WWC2: variants seen among roughly 807,000 people sequenced by gnomAD.
WWC2 encodes the protein WW and C2 domain containing 2.
Under a neutral mutation model 138.5 loss-of-function variants are expected in WWC2, and 101 were observed. The observed-to-expected ratio is 0.73, with a 90% confidence interval of 0.62 to 0.86. The LOEUF is 0.86. Ranked by LOEUF, WWC2 falls within the 40% of genes least tolerant of loss-of-function variation. The pLI is 0.00. For synonymous variants in WWC2, 558 were observed against 538.4 expected, an observed-to-expected ratio of 1.04 and a Z score of -0.50; for missense variants, 1,420 against 1,419.4, an observed-to-expected ratio of 1.00 and a Z score of -0.01.
rs61543148 is a variant in WWC2 at position 183,155,221 on chromosome 4, A to AGAGAGAGAGAGT, written c.132-38375_132-38374insAGAGAGAGTGAG. Reference sequence around the variant, plus strand: ...GAGAGAGAGAGAGAGAGAGAGAGAGAGAGTTAGTTGACGTGGTGAGGACAG... The same window carrying AGAGAGAGAGAGT: ...GAGAGAGAGAGAGAGAGAGAGAGAGAGAGAGAGAGAGTGAGTTAGTTGACGTGGTGAGGACAG... On this transcript the variant is annotated intron_variant, in intron 1 of 22. Coordinates refer to ENST00000403733, the MANE Select transcript of WWC2 (RefSeq NM_024949.6). Among the ~76,000 whole-genome samples the AGAGAGAGAGAGT allele has an allele frequency of 3.9e-3, 523 of 135,236 alleles. 5 individuals carry two copies. Among genetic ancestry groups the AGAGAGAGAGAGT allele is most frequent in the African/African-American group, 0.012 (428 of 36,220 alleles). 88.7% of individuals were successfully genotyped at this position (135,236 alleles called of 152,430 possible). A position where few individuals can be genotyped will look rare whatever the true frequency, so the allele number is the denominator to read the frequency against.
intron 1 of WWC2, among the ~76,000 whole-genome samples, chr4:183,186,412 G>A (rs1199877629): frequency 2.0e-5 from 3 of 152,142 alleles, no homozygotes; most frequent in African/African-American, 7.2e-5. Context: ...TGGCAGAAGG[G>A]AAATTCTATG....
At chr4:183,222,489 G>A (rs1483298247) in intron 4 of WWC2, among the ~76,000 whole-genome samples, 1 of 151,724 alleles carries the variant, frequency 6.6e-6, no homozygotes, top group Non-Finnish European at 1.5e-5. Flanking sequence ...CCTATCTAGA[G>A]AAAATTATAA....
chr4:183,101,136 G>T (rs1743167832), intron 1 of WWC2, among the ~76,000 whole-genome samples: 3 of 152,146 alleles, frequency 2.0e-5, no homozygotes, highest in Non-Finnish European at 4.4e-5. Flanking sequence ...TCTGATACTT[G>T]GAGTTTCAGG....
chr4:183,175,676 G>A (rs117159373), intron 1 of WWC2, among the ~76,000 whole-genome samples: 23 of 152,072 alleles, frequency 1.5e-4, no homozygotes, highest in African/African-American at 4.8e-4. Flanking sequence ...TCAAAGCATC[G>A]TTTTTTGTAC....
chr4:183,310,889 G>A (rs1021797386), intron 21 of WWC2, among the ~76,000 whole-genome samples: 5 of 148,858 alleles, frequency 3.4e-5, no homozygotes, highest in South Asian at 2.1e-4. Flanking sequence ...AGTATATTCA[G>A]TGATGTGTTG....
chr4:183,135,459 A>G (rs1733080110), intron 1 of WWC2, among the ~76,000 whole-genome samples: 1 of 151,616 alleles, frequency 6.6e-6, no homozygotes, highest in Non-Finnish European at 1.5e-5. Flanking sequence ...TAGTATCTTT[A>G]TCTTCTTTTA....
chr4:183,218,764 TA>T (rs1299048227), intron 4 of WWC2, among the ~76,000 whole-genome samples: 105 of 152,354 alleles, frequency 6.9e-4, no homozygotes, highest in African/African-American at 2.3e-3. Context: ...GTTGAATTCC[TA>T]CTAGGTTAGA....
At chr4:183,297,374 T>C (rs1391329674) in intron 21 of WWC2, among the ~76,000 whole-genome samples, 1 of 152,150 alleles carries the variant, frequency 6.6e-6, no homozygotes, top group African/African-American at 2.4e-5. Flanking sequence ...CCTAAGGATC[T>C]TTCTGTTATG....
intron 16 of WWC2, among the ~76,000 whole-genome samples, chr4:183,277,974 T>G (rs1737918794): frequency 6.6e-6 from 1 of 151,770 alleles, no homozygotes; most frequent in Non-Finnish European, 1.5e-5. Flanking sequence ...AGAAGCTCTT[T>G]AGTTTAATTA....
intron 11 of WWC2, among the ~76,000 whole-genome samples, chr4:183,264,509 A>T (rs185579022): frequency 6.6e-6 from 1 of 152,306 alleles, no homozygotes; most frequent in African/African-American, 2.4e-5. Flanking sequence ...TTTCTGTTAG[A>T]ATAGTAGCAC....
rs889345000 is a variant in WWC2, at chr4:183,264,635, T to G, written c.1910-343T>G. 3.9e-5 allele frequency among the ~76,000 whole-genome samples: 6 copies of G among 152,196 alleles called. No individual in the cohort carries two copies. In the South Asian group the frequency reaches 6.2e-4, roughly 16 times the overall value. ...AGAAATGTCACTTGAGGGAGATAGA[T>G]CATTTCCTATTCCTGAATATATGAA... On this transcript the variant is annotated intron_variant, in intron 11 of 22. Coordinates refer to ENST00000403733, the MANE Select transcript of WWC2 (RefSeq NM_024949.6).
At chr4:183,101,698 C>CT (rs1479061612) in intron 1 of WWC2, among the ~76,000 whole-genome samples, 1 of 152,128 alleles carries the variant, frequency 6.6e-6, no homozygotes, top group Non-Finnish European at 1.5e-5. Context: ...CTATTAACTC[C>CT]TGTCAGTTTT....
intron 1 of WWC2, among the ~76,000 whole-genome samples, chr4:183,156,750 C>T (rs1733817150): frequency 6.6e-6 from 1 of 152,166 alleles, no homozygotes; most frequent in Admixed American, 6.5e-5. Context: ...TTATCTTTTG[C>T]TCTTTTTTCT....
chr4:183,115,134 C>T (rs1732373140), intron 1 of WWC2, among the ~76,000 whole-genome samples: 3 of 152,134 alleles, frequency 2.0e-5, no homozygotes, highest in Admixed American at 1.3e-4. Context: ...ATTTGGTTTT[C>T]TATTCCTGTG....
chr4:183,250,552 T>C (rs1357520106), intron 8 of WWC2, among the ~76,000 whole-genome samples: 1 of 152,140 alleles, frequency 6.6e-6, no homozygotes, highest in Non-Finnish European at 1.5e-5. Context: ...TATCTTTTAC[T>C]TACTTTGTGA....
intron 1 of WWC2, among the ~76,000 whole-genome samples, chr4:183,158,734 G>A (rs1733873660): frequency 1.3e-5 from 2 of 152,170 alleles, no homozygotes; most frequent in African/African-American, 4.8e-5. Context: ...AAAAACTGTA[G>A]CACCATTTTA....
chr4:183,101,665 A>G (rs1166352070), intron 1 of WWC2, among the ~76,000 whole-genome samples: 1 of 152,190 alleles, frequency 6.6e-6, no homozygotes, highest in Non-Finnish European at 1.5e-5. Context: ...GTAAGAGCTG[A>G]TGGGAACGTA....
At position 183,121,942 on chromosome 4, in the gene WWC2, C is replaced by T. The variant is rs558746299; in HGVS notation, c.131+22320C>T. On this transcript the variant is annotated intron_variant, in intron 1 of 22. Transcript: ENST00000403733. ...CTGGGACTATAGGCACCTGCCACCA[C>T]GCCCAGCTAATTTTTTGTATTTTTA... Among the ~76,000 whole-genome samples, 44 of 152,180 alleles carry T rather than the reference C, an allele frequency of 2.9e-4. No homozygotes were observed. The South Asian group carries it at 7.0e-3, about 24-fold the overall frequency.
intron 21 of WWC2, among the ~76,000 whole-genome samples, chr4:183,293,132 T>C (rs1738516641): frequency 6.6e-6 from 1 of 152,180 alleles, no homozygotes; most frequent in Admixed American, 6.5e-5. Flanking sequence ...TTTTTGTATT[T>C]TTAGTAGAGA....
Sources: gnomAD v4.1 joint callset for allele counts (sites outside exome capture counted in the v4.1 genomes callset) on GRCh38, gnomAD v4.1.1 for gene constraint, MANE v1.5 for transcripts, NCBI Gene and HGNC (gene_info 2026-07-23, HGNC 2026-07-21) for gene names.